Variants in SERPINH1 observed in about 807,000 individuals in gnomAD.
The protein encoded by SERPINH1 is serpin H1.
A neutral mutation model predicts 32.3 loss-of-function variants in SERPINH1; 22 were observed. The observed-to-expected ratio is 0.68, with a 90% CI of 0.49 to 0.97. The LOEUF (loss-of-function observed/expected upper bound fraction) is 0.97, where lower values mean the gene tolerates loss of function less well. SERPINH1 is among the 50% of genes least tolerant of loss of function. SERPINH1 has a pLI of 0.00. For synonymous variants in SERPINH1, 251 were observed against 245.9 expected, an observed-to-expected ratio of 1.02 and a Z score of -0.19; for missense variants, 543 against 576.4, an observed-to-expected ratio of 0.94 and a Z score of 0.59.
In SERPINH1 at chr11:75,569,183, C is replaced by CCCAG. The variant is rs779247058; in HGVS notation, c.954+15_954+18dup. 9.5e-6 allele frequency: 15 copies of CCCAG among 1,586,992 alleles called. No homozygotes were observed. Among genetic ancestry groups the CCCAG allele is most frequent in the Non-Finnish European group, 1.3e-5 (15 of 1,163,722 alleles). ...CCCATGACCTGCAGGTAAGGGGTGG[C>CCCAG]CCAGCCTAGGGGCCTGCAGGCCTTG... On this transcript the variant is annotated intron_variant, in intron 4 of 4. Coordinates refer to ENST00000358171, the MANE Select transcript of SERPINH1 (RefSeq NM_001235.5).
At chr11:75,564,184 C>A (rs141992338) in intron 1 of SERPINH1, among the ~76,000 whole-genome samples, 127 of 152,358 alleles carry the variant, frequency 8.3e-4, no homozygotes, top group African/African-American at 2.9e-3. Flanking sequence ...TGGAAGCCCC[C>A]CTCTGCCGGC....
At chr11:75,564,582 A>G (rs1179495262) in intron 1 of SERPINH1, among the ~76,000 whole-genome samples, 1 of 152,308 alleles carries the variant, frequency 6.6e-6, no homozygotes, top group Middle Eastern at 3.4e-3. Flanking sequence ...GCAATAAATT[A>G]TATGGTTGCT....
intron 1 of SERPINH1, chr11:75,563,390 C>G (rs937698402): frequency 1.3e-5 from 2 of 152,480 alleles, no homozygotes; most frequent in African/African-American, 4.8e-5. Flanking sequence ...CCCATCCCCC[C>G]TTCCCGTCCT....
At chr11:75,565,271 G>A (rs916613208) in intron 1 of SERPINH1, among the ~76,000 whole-genome samples, 2 of 152,204 alleles carry the variant, frequency 1.3e-5, no homozygotes, top group East Asian at 1.9e-4. Flanking sequence ...AGATTGGAGG[G>A]CAGAATGGAA....
At chr11:75,569,975 C>T (rs1263982984) in intron 4 of SERPINH1, among the ~76,000 whole-genome samples, 1 of 151,712 alleles carries the variant, frequency 6.6e-6, no homozygotes, top group Non-Finnish European at 1.5e-5. Context: ...AGACTGGTAG[C>T]TATGGGTCAT....
At chr11:75,570,766 A>G (rs949533708) in intron 4 of SERPINH1, among the ~76,000 whole-genome samples, 2 of 152,220 alleles carry the variant, frequency 1.3e-5, no homozygotes, top group African/African-American at 2.4e-5. Context: ...AGCGCTGGAC[A>G]TGGGCCCCGC....
Position 75,570,606 on chromosome 11 carries a change from A to AC in SERPINH1, c.955-1170dup, listed in dbSNP as rs755558531. ...GCCTACCTCGAATGCCTGTCTCATG[A>AC]CCCCCTGACTCTCAGGACCTCAGGC... On this transcript the variant is annotated intron_variant, in intron 4 of 4. Coordinates refer to ENST00000358171, the MANE Select transcript of SERPINH1 (RefSeq NM_001235.5). Among the ~76,000 whole-genome samples, 58 of 151,998 alleles carry AC rather than the reference A, an allele frequency of 3.8e-4. 1 individual carries two copies. Among genetic ancestry groups the AC allele is most frequent in the Middle Eastern group, 3.4e-3 (1 of 294 alleles).
rs1942212205 is a variant in SERPINH1, at chr11:75,572,258, C to T, written c.*175C>T. ...AGCGGACCTTCCCAGCTAGAATTCA[C>T]TCCACTTGGACATGGGCCCCAGATA... On this transcript the variant is annotated 3_prime_UTR_variant, in exon 5 of 5. Coordinates refer to ENST00000358171, the MANE Select transcript of SERPINH1 (RefSeq NM_001235.5). 4 of 682,420 alleles carry T rather than the reference C, an allele frequency of 5.9e-6. No individual in the cohort carries two copies. The South Asian group carries it at 6.6e-5, about 11-fold the overall frequency. 42.3% of individuals were successfully genotyped at this position (682,420 alleles called of 1,614,324 possible).
chr11:75,572,219 T>G lies in SERPINH1; in HGVS notation c.*136T>G. ...GTGGGGGTGGAAAAACAGACCGGGG[T>G]TCCCGTGTGCCTGAGCGGACCTTCC... On this transcript the variant is annotated 3_prime_UTR_variant, in exon 5 of 5. Transcript: ENST00000358171. 27 of 829,936 alleles carry G rather than the reference T, an allele frequency of 3.3e-5. No homozygotes were observed. Among genetic ancestry groups the G allele is most frequent in the Non-Finnish European group, 4.6e-5 (23 of 505,240 alleles). The allele number at this position is 829,936 out of a possible 1,614,324, so 51.4% of individuals were successfully genotyped here.
intron 4 of SERPINH1, among the ~76,000 whole-genome samples, chr11:75,570,978 G>A (rs931869107): frequency 3.3e-5 from 5 of 152,178 alleles, no homozygotes; most frequent in African/African-American, 1.2e-4. Context: ...GGTGGGGCGT[G>A]CCAAGGGATG....
intron 2 of SERPINH1, 123 bp downstream of exon 2, chr11:75,567,094 G>A (rs1942104570): frequency 1.8e-6 from 2 of 1,113,916 alleles, no homozygotes; most frequent in Non-Finnish European, 2.5e-6. Flanking sequence ...AACCCAGGGA[G>A]GCAGGACTGT....
At chr11:75,565,654 G>A (rs1942061526) in intron 1 of SERPINH1, among the ~76,000 whole-genome samples, 1 of 152,174 alleles carries the variant, frequency 6.6e-6, no homozygotes, top group African/African-American at 2.4e-5. Context: ...CCTTGGGGCA[G>A]CAAAGTGGAG....
rs758409911 is a variant in SERPINH1, at chr11:75,566,457, G to A, written c.108G>A (p.Leu36=). 4 of 1,612,274 alleles carry A rather than the reference G, an allele frequency of 2.5e-6. No homozygotes were observed. The African/African-American group carries it at 5.3e-5, about 22-fold the overall frequency. Residue 36 remains leucine (L), a synonymous_variant, in exon 2 of 5, where the codon TTG becomes TTA. Coordinates refer to ENST00000358171, the MANE Select transcript of SERPINH1 (RefSeq NM_001235.5). ...AAAAPGTAEK[L]SPKAATLAER... ...CAGCTCCTGGCACTGCGGAGAAGTTGAGCCCCAAGGCGGCCACGCTTGCCG... is the reference window on the plus strand; with the variant it reads ...CAGCTCCTGGCACTGCGGAGAAGTTAAGCCCCAAGGCGGCCACGCTTGCCG...
At position 75,566,426 on chromosome 11, in the gene SERPINH1, C is replaced by T; in HGVS notation, c.77C>T (p.Ala26Val). The T allele has an allele frequency of 6.2e-7, 1 of 1,611,898 alleles. No homozygotes were observed. Among genetic ancestry groups the T allele is most frequent in the South Asian group, 1.1e-5 (1 of 90,888 alleles). The stretch of plus-strand genomic sequence containing the variant: ...GCCGCCGAGGTGAAGAAACCTGCAG[C>T]CGCAGCAGCTCCTGGCACTGCGGAG... ...ALAAEVKKPA[A>V]AAAPGTAEKL... The change falls in exon 2 of 5, where the codon GCC becomes GTC. Residue 26 changes from alanine to valine, a missense_variant. Ala to Val is a moderately conservative substitution (Grantham distance 64). Around this residue, in one of 3 missense-constraint regions of SERPINH1, gnomAD observed 109 missense variants for 102.4 expected, o/e 1.06. Coordinates refer to ENST00000358171, the MANE Select transcript of SERPINH1 (RefSeq NM_001235.5).
chr11:75,571,551 T>TC (rs1181588741), intron 4 of SERPINH1, among the ~76,000 whole-genome samples: 1 of 152,142 alleles, frequency 6.6e-6, no homozygotes, highest in African/African-American at 2.4e-5. Context: ...TTTTTCTGAG[T>TC]CTCAGCTTCC....
In SERPINH1 at chr11:75,572,561, C is replaced by T; in HGVS notation, c.*478C>T. On this transcript the variant is annotated 3_prime_UTR_variant, in exon 5 of 5. Coordinates refer to ENST00000358171, the MANE Select transcript of SERPINH1 (RefSeq NM_001235.5). The stretch of plus-strand genomic sequence containing the variant: ...ACCAGGCACCCCCAGAATGACCTGG[C>T]CGCAGTGAGGCGGATTGAGAAGGAG... The T allele has an allele frequency of 5.0e-6, 1 of 200,654 alleles. No individual in the cohort carries two copies. Among genetic ancestry groups the T allele is most frequent in the Non-Finnish European group, 1.0e-5 (1 of 96,820 alleles). The allele number at this position is 200,654 out of a possible 1,614,324, so 12.4% of individuals were successfully genotyped here. A position where few individuals can be genotyped will look rare whatever the true frequency, so the allele number is the denominator to read the frequency against.
At chr11:75,567,487 A>G (rs971368950) in intron 2 of SERPINH1, among the ~76,000 whole-genome samples, 2 of 152,090 alleles carry the variant, frequency 1.3e-5, no homozygotes, top group Non-Finnish European at 2.9e-5. Context: ...ACACCCAGCT[A>G]ATTTTTGTAT....
chr11:75,567,001 C>CTCA (rs777940027), intron 2 of SERPINH1, 30 bp downstream of exon 2: 3 of 1,589,166 alleles, frequency 1.9e-6, no homozygotes, highest in Non-Finnish European at 2.6e-6. Context: ...AGGGGTCCTC[C>CTCA]TCCTCCTCCC....
Position 75,572,692 on chromosome 11 carries a change from TAGGG to T in SERPINH1, c.*615_*618del, listed in dbSNP as rs1942221203. On this transcript the variant is annotated 3_prime_UTR_variant, in exon 5 of 5. Transcript: ENST00000358171. ...TCTTCCTTTTTTAGTTCTTCAAAGA[TAGGG>T]AGGGAAGGGGGAACATGAGCCTTTG... 1 of 156,550 alleles carries T rather than the reference TAGGG, an allele frequency of 6.4e-6. No individual in the cohort carries two copies. The highest frequency in any genetic ancestry group is 2.4e-5 in the African/African-American group (1 of 41,452). 9.7% of individuals were successfully genotyped at this position (156,550 alleles called of 1,614,324 possible). A position where few individuals can be genotyped will look rare whatever the true frequency, so the allele number is the denominator to read the frequency against.
Sources: gnomAD v4.1 joint callset for allele counts (sites outside exome capture counted in the v4.1 genomes callset) on GRCh38, gnomAD v4.1.1 for gene constraint, gnomAD v4.1.1 regional missense constraint, MANE v1.5 for transcripts, NCBI Gene and HGNC (gene_info 2026-07-23, HGNC 2026-07-21) for gene names.